Variants in PAK1 observed in about 807,000 individuals in gnomAD.
The protein encoded by PAK1 is serine/threonine-protein kinase PAK 1.
PAK1 carries 29 observed loss-of-function variants against 67.4 expected under a neutral mutation model. That is an observed-to-expected ratio of 0.43 (90% CI 0.32 to 0.59). The LOEUF (loss-of-function observed/expected upper bound fraction) is 0.59. Ranked by LOEUF, PAK1 falls within the 20% of genes least tolerant of loss-of-function variation. PAK1 has a pLI of 0.07. For missense variants in PAK1, 337 were observed against 670.7 expected (o/e 0.50, Z 5.50); for synonymous variants, 223 against 237.4 (o/e 0.94, Z 0.56).
chr11:77,486,055 T>A, the PAK1 span, among the ~76,000 whole-genome samples: 1 of 152,220 alleles, frequency 6.6e-6, no homozygotes, highest in African/African-American at 2.4e-5. Flanking sequence ...TCCTTTTAAA[T>A]CCTCTTCCAT....
chr11:77,353,428 G>A (rs753311832), intron 8 of PAK1, 108 bp downstream of exon 8: 60 of 754,250 alleles, frequency 8.0e-5, no homozygotes, highest in Non-Finnish European at 1.3e-4. Context: ...GGGTAAAGTG[G>A]AGAAAGAAGA....
chr11:77,383,527 T>C (rs539346406), intron 2 of PAK1, among the ~76,000 whole-genome samples: 2 of 152,092 alleles, frequency 1.3e-5, no homozygotes, highest in Non-Finnish European at 2.9e-5. Flanking sequence ...GGTTTCACCA[T>C]GTTGCCAGGC....
At chr11:77,485,482 A>AAT in the PAK1 span, among the ~76,000 whole-genome samples, 4 of 150,290 alleles carry the variant, frequency 2.7e-5, no homozygotes, top group Non-Finnish European at 5.9e-5. Flanking sequence ...ATAAAAAAAA[A>AAT]TTTTTTTTTT....
At chr11:77,506,003 G>T in the PAK1 span, among the ~76,000 whole-genome samples, 3 of 152,122 alleles carry the variant, frequency 2.0e-5, no homozygotes, top group African/African-American at 7.2e-5. Flanking sequence ...GAACATCAAG[G>T]CCTGGAGGTA....
chr11:77,422,554 C>CAAA lies in PAK1; in HGVS notation c.-21-30016_-21-30014dup, dbSNP rs11388442. Among the ~76,000 whole-genome samples, 224 of 137,176 alleles carry CAAA rather than the reference C, an allele frequency of 1.6e-3. 2 individuals are homozygous for CAAA. In the East Asian group the frequency reaches 0.017, roughly 10 times the overall value. 90.0% of individuals were successfully genotyped at this position (137,176 alleles called of 152,430 possible). A position where few individuals can be genotyped will look rare whatever the true frequency, so the allele number is the denominator to read the frequency against. The stretch of plus-strand genomic sequence containing the variant: ...TGGGCAACAGAGGGAGACACCGTCT[C>CAAA]AAAAAAAAAAAAAAGTCACTAAAAT... On this transcript the variant is annotated intron_variant, in intron 1 of 14. Transcript: ENST00000356341.
chr11:77,362,406 T>C (rs992090695), intron 5 of PAK1, among the ~76,000 whole-genome samples: 1 of 151,990 alleles, frequency 6.6e-6, no homozygotes, highest in African/African-American at 2.4e-5. Flanking sequence ...TTCTTCTTCA[T>C]TAGAATTACT....
the PAK1 span, among the ~76,000 whole-genome samples, chr11:77,486,704 C>G: frequency 1.4e-4 from 21 of 152,152 alleles, no homozygotes; most frequent in African/African-American, 4.6e-4. Flanking sequence ...GGAAGCAACA[C>G]CATCCAAAAC....
At chr11:77,379,146 T>G in intron 4 of PAK1, 95 bp downstream of exon 4, 2 of 1,096,000 alleles carry the variant, frequency 1.8e-6, no homozygotes, top group Non-Finnish European at 2.6e-6. Flanking sequence ...TTTCCACTAC[T>G]TTCTTCTCTC....
At chr11:77,361,554 G>A (rs930673854) in intron 5 of PAK1, among the ~76,000 whole-genome samples, 7 of 151,516 alleles carry the variant, frequency 4.6e-5, no homozygotes, top group African/African-American at 9.8e-5. Flanking sequence ...GAACAGTGAT[G>A]TAATCTATAC....
intron 1 of PAK1, among the ~76,000 whole-genome samples, chr11:77,435,926 AC>A (rs1450644879): frequency 6.6e-6 from 1 of 152,114 alleles, no homozygotes; most frequent in Non-Finnish European, 1.5e-5. Context: ...TTTCCAACAA[AC>A]TAAAGGGAAA....
intron 1 of PAK1, among the ~76,000 whole-genome samples, chr11:77,396,505 A>C (rs1951850244): frequency 6.6e-6 from 1 of 152,248 alleles, no homozygotes; most frequent in Non-Finnish European, 1.5e-5. Flanking sequence ...GATCTGCAAC[A>C]CCACGCCTGG....
At chr11:77,399,858 C>A (rs1482779438) in intron 1 of PAK1, among the ~76,000 whole-genome samples, 7 of 42,368 alleles carry the variant, frequency 1.7e-4, no homozygotes, top group Admixed American at 4.5e-4. Flanking sequence ...GACTCCGTCT[C>A]AAAAAAAAAA....
the PAK1 span, among the ~76,000 whole-genome samples, chr11:77,491,414 A>C: frequency 6.6e-6 from 1 of 152,284 alleles, no homozygotes; most frequent in Non-Finnish European, 1.5e-5. Context: ...CTGTAATCCC[A>C]GCAATTTGGG....
intron 5 of PAK1, among the ~76,000 whole-genome samples, chr11:77,366,513 G>C (rs1167445749): frequency 1.3e-5 from 2 of 152,114 alleles, no homozygotes; most frequent in African/African-American, 4.8e-5. Flanking sequence ...AAAATATACT[G>C]GGGCAAAGTT....
rs549208507 is a variant in PAK1 at position 77,348,356 on chromosome 11, A to G, written c.885+883T>C. On this transcript the variant is annotated intron_variant, in intron 9 of 14. Coordinates refer to ENST00000356341, the MANE Select transcript of PAK1 (RefSeq NM_002576.5). ...AATATTAAAATGCAAGGAAACCTCA[A>G]GTACTCTATATTCCCTTCATATCTT... is the stretch of plus-strand genomic sequence containing the variant. Among the ~76,000 whole-genome samples the G allele has an allele frequency of 2.0e-3, 310 of 152,358 alleles. 3 individuals carry two copies. The highest frequency in any genetic ancestry group is 7.1e-3 in the African/African-American group (296 of 41,592).
intron 1 of PAK1, among the ~76,000 whole-genome samples, chr11:77,453,889 T>C (rs1956967412): frequency 6.6e-6 from 1 of 152,172 alleles, no homozygotes; most frequent in South Asian, 2.1e-4. Flanking sequence ...AAGACCAGTC[T>C]GGCAATATGG....
chr11:77,479,123 A>G (rs944786133), upstream of PAK1, among the ~76,000 whole-genome samples: 1 of 151,022 alleles, frequency 6.6e-6, no homozygotes, highest in Non-Finnish European at 1.5e-5. Flanking sequence ...AAGCATTAGC[A>G]CTCATTGTAA....
rs570596238 is a variant in PAK1, at chr11:77,345,266, C to A, written c.886-1335G>T. The stretch of plus-strand genomic sequence containing the variant: ...CTTTACACACAGAGTTGGTGCTCAA[C>A]AAATGTCTGTAGAAAGGAAGATGGC... On this transcript the variant is annotated intron_variant, in intron 9 of 14. Transcript: ENST00000356341. 3.3e-5 allele frequency among the ~76,000 whole-genome samples: 5 copies of A among 151,242 alleles called. No homozygotes were observed. The East Asian group carries it at 9.7e-4, about 29-fold the overall frequency.
At chr11:77,423,128 A>C (rs2138208638) in intron 1 of PAK1, among the ~76,000 whole-genome samples, 2 of 152,168 alleles carry the variant, frequency 1.3e-5, no homozygotes, top group Admixed American at 1.3e-4. Context: ...ATCAAGAAAA[A>C]GATGCTTCTT....
Sources: allele counts gnomAD v4.1 joint callset (sites outside exome capture counted in the v4.1 genomes callset), GRCh38; gene constraint gnomAD v4.1.1; transcripts MANE v1.5; gene names NCBI Gene and HGNC (gene_info 2026-07-23, HGNC 2026-07-21).